The following LAMA3 variants were observed in gnomAD, a reference collection of about 807,000 sequenced individuals.
LAMA3 encodes laminin subunit alpha 3, also known as laminin subunit alpha-3.
Under a neutral mutation model 402.0 loss-of-function variants are expected in LAMA3, and 281 were observed. The observed-to-expected ratio is 0.70, with a 90% CI of 0.63 to 0.77. LAMA3 has a LOEUF of 0.77. Among genes scored for constraint, LAMA3 ranks in the 30% least tolerant of loss-of-function variants. The pLI is 0.00. For synonymous variants in LAMA3, 1,431 were observed against 1,558.4 expected (o/e 0.92, Z 1.93); for missense variants, 3,840 against 4,215.5 (o/e 0.91, Z 2.47).
intron 1 of LAMA3, among the ~76,000 whole-genome samples, chr18:23,702,042 G>T (rs1460968698): frequency 6.6e-6 from 1 of 152,120 alleles, no homozygotes; most frequent in Non-Finnish European, 1.5e-5. Flanking sequence ...GACAGAGAGA[G>T]TGAGTGTCAG....
chr18:23,706,952 C>T (rs2060900856), intron 1 of LAMA3, among the ~76,000 whole-genome samples: 1 of 152,156 alleles, frequency 6.6e-6, no homozygotes. Flanking sequence ...GTGGCACATG[C>T]CTGTAATCCC....
chr18:23,817,672 A>G (rs2063202878), intron 18 of LAMA3, among the ~76,000 whole-genome samples: 3 of 152,020 alleles, frequency 2.0e-5, no homozygotes, highest in South Asian at 4.2e-4. Flanking sequence ...CTATGATTGC[A>G]TCACTGCACT....
intron 12 of LAMA3, among the ~76,000 whole-genome samples, chr18:23,785,889 A>G (rs11082762): frequency 0.48 from 73,193 of 152,074 alleles, 19,382 homozygotes; most frequent in Non-Finnish European, 0.61. Flanking sequence ...AATAAATAAT[A>G]CAACACTTTA....
intron 57 of LAMA3, 31 bp from the exon 58 acceptor site, chr18:23,914,667 T>G (rs376963892): frequency 8.8e-5 from 140 of 1,599,192 alleles, no homozygotes; most frequent in Non-Finnish European, 1.1e-4. Context: ...ATTTTTTGTT[T>G]AACTTTATTA....
At chr18:23,849,734 T>C (rs2144652790) in intron 32 of LAMA3, among the ~76,000 whole-genome samples, 1 of 152,328 alleles carries the variant, frequency 6.6e-6, no homozygotes, top group South Asian at 2.1e-4. Flanking sequence ...GGCATGTCTA[T>C]AGTAAGTTTT....
intron 55 of LAMA3, among the ~76,000 whole-genome samples, chr18:23,912,276 G>A (rs1168080913): frequency 6.6e-6 from 1 of 151,286 alleles, no homozygotes; most frequent in African/African-American, 2.4e-5. Flanking sequence ...TGAGATTACA[G>A]GTGTGAGCTA....
chr18:23,771,113 A>T (rs2062189540), intron 8 of LAMA3, among the ~76,000 whole-genome samples: 1 of 152,254 alleles, frequency 6.6e-6, no homozygotes, highest in Non-Finnish European at 1.5e-5. Context: ...CAAAAAGTTT[A>T]TAGTAGCTTT....
At chr18:23,690,042 G>T in intron 1 of LAMA3, 65 bp downstream of exon 1, 1 of 1,254,782 alleles carries the variant, frequency 8.0e-7, no homozygotes, top group Non-Finnish European at 1.1e-6. Flanking sequence ...CAGACACCCG[G>T]AGAAGGGATC....
rs781307057 is a variant in LAMA3, at chr18:23,916,589, C to T, written c.7817C>T (p.Thr2606Met). The change falls in exon 60 of 75, where the codon ACG becomes ATG. Residue 2606 changes from threonine to methionine, a missense_variant. Transcript: ENST00000313654. Reference protein sequence around the residue: ...EESDKNYFEGTGYARVPTQPH... With the variant: ...EESDKNYFEGMGYARVPTQPH... The stretch of plus-strand genomic sequence containing the variant: ...TCAGACAAAAATTATTTTGAAGGTA[C>T]GGGCTATGCTCGAGTTCCAACTCAA... The T allele has an allele frequency of 1.1e-5, 17 of 1,613,882 alleles. No individual in the cohort carries two copies. Among genetic ancestry groups the T allele is most frequent in the Non-Finnish European group, 1.4e-5 (16 of 1,179,902 alleles).
At position 23,921,363 on chromosome 18, in the gene LAMA3, G is replaced by A. The variant is rs576892479; in HGVS notation, c.8044-89G>A. ...ATGTATATAAATGAATCTGGGGGAA[G>A]ATAAATAAAAACATGATAGTTCTGA... is the stretch of plus-strand genomic sequence containing the variant. On this transcript the variant is annotated intron_variant, in intron 61 of 74. Coordinates refer to ENST00000313654, the MANE Select transcript of LAMA3 (RefSeq NM_198129.4). 7.9e-6 allele frequency: 11 copies of A among 1,399,134 alleles called. No individual in the cohort carries two copies. In the South Asian group the frequency reaches 1.5e-4, roughly 19 times the overall value. The allele number at this position is 1,399,134 out of a possible 1,614,324, so 86.7% of individuals were successfully genotyped here.
intron 2 of LAMA3, among the ~76,000 whole-genome samples, chr18:23,716,384 A>G (rs1409840578): frequency 6.6e-6 from 1 of 152,024 alleles, no homozygotes; most frequent in Non-Finnish European, 1.5e-5. Flanking sequence ...GTCTTGAATT[A>G]CTGAGCTCAG....
intron 34 of LAMA3, among the ~76,000 whole-genome samples, chr18:23,859,914 G>A (rs745851763): frequency 1.3e-5 from 2 of 152,140 alleles, no homozygotes; most frequent in Admixed American, 1.3e-4. Context: ...CCCCCATCCT[G>A]AAGCTACCCA....
At chr18:23,788,884 TATC>T (rs1238925319) in intron 12 of LAMA3, among the ~76,000 whole-genome samples, 27 of 151,694 alleles carry the variant, frequency 1.8e-4, no homozygotes, top group African/African-American at 6.3e-4. Flanking sequence ...AAGGCACTAG[TATC>T]ATATACACAC....
rs771066828 is a variant in LAMA3, at chr18:23,839,843, C to G, written c.3250C>G (p.Leu1084Val). ...TCCAACAGCATTAATTTTGGATGTT[C>G]TAAGTGGCAGGCCTTTCCCTCACCT... The part of the protein sequence containing the change: ...TPPTALILDV[L>V]SGRPFPHLPQ... Residue 1084 changes from leucine to valine, a missense_variant, in exon 27 of 75, where the codon CTA (leucine) becomes GTA (valine). By Grantham distance (32) the Leu-to-Val change is conservative. Transcript: ENST00000313654. The surrounding 1 kb of genome is among the most constrained non-coding windows in gnomAD (Gnocchi z 4.5). 5 of 1,614,142 alleles carry G rather than the reference C, an allele frequency of 3.1e-6. No homozygotes were observed. Among genetic ancestry groups the G allele is most frequent in the Non-Finnish European group, 4.2e-6 (5 of 1,179,962 alleles).
chr18:23,863,912 C>G (rs960219792), intron 35 of LAMA3, among the ~76,000 whole-genome samples: 1 of 152,170 alleles, frequency 6.6e-6, no homozygotes, highest in Admixed American at 6.5e-5. Flanking sequence ...CATCATGCTG[C>G]TTGTGGGACA....
At chr18:23,782,635 G>A (rs538332163) in intron 11 of LAMA3, among the ~76,000 whole-genome samples, 1 of 152,156 alleles carries the variant, frequency 6.6e-6, no homozygotes, top group South Asian at 2.1e-4. Context: ...TGCTAATCCA[G>A]GACACACTCT....
intron 14 of LAMA3, among the ~76,000 whole-genome samples, chr18:23,813,604 C>T (rs1005592635): frequency 2.8e-5 from 4 of 145,286 alleles, no homozygotes; most frequent in East Asian, 2.0e-4. Flanking sequence ...AGTGCAGTGC[C>T]GCGATCTCAG....
chr18:23,811,859 T>G (rs1390787687), intron 13 of LAMA3, among the ~76,000 whole-genome samples: 2 of 151,690 alleles, frequency 1.3e-5, no homozygotes, highest in Admixed American at 1.3e-4. Flanking sequence ...TCTAGAATTT[T>G]TATTTATTTT....
At chr18:23,734,194 A>T (rs2146021951) in intron 2 of LAMA3, among the ~76,000 whole-genome samples, 1 of 152,290 alleles carries the variant, frequency 6.6e-6, no homozygotes, top group South Asian at 2.1e-4. Context: ...TCGCCTAAAC[A>T]TCATTGTCTG....
Sources: allele counts gnomAD v4.1 joint callset (sites outside exome capture counted in the v4.1 genomes callset), GRCh38; gene constraint gnomAD v4.1.1; non-coding constraint Gnocchi (gnomAD v3.1); transcripts MANE v1.5; gene names NCBI Gene and HGNC (gene_info 2026-07-23, HGNC 2026-07-21).